Variants in SVIL observed in about 807,000 individuals in gnomAD.
SVIL encodes archvillin.
SVIL carries 101 observed loss-of-function variants against 240.4 expected under a neutral mutation model. The observed-to-expected ratio is 0.42, with a 90% CI of 0.36 to 0.50. SVIL has a LOEUF of 0.50. Ranked by LOEUF, SVIL falls within the 20% of genes least tolerant of loss-of-function variation. SVIL has a pLI of 0.01. For missense variants in SVIL, 2,512 were observed against 2,818.7 expected, an observed-to-expected ratio of 0.89 and a Z score of 2.46; for synonymous variants, 999 against 1,100.0, an observed-to-expected ratio of 0.91 and a Z score of 1.82.
intron 1 of SVIL, among the ~76,000 whole-genome samples, chr10:29,732,116 G>T (rs1406755804): frequency 6.6e-6 from 1 of 152,172 alleles, no homozygotes; most frequent in South Asian, 2.1e-4. Context: ...CCTCCAATTG[G>T]TTATGCACGC....
rs74130721 is a variant in SVIL at position 29,479,786 on chromosome 10, G to A, written c.5377+751C>T. ...ACCTGCACAGCAAGGGGGCTGTAAAGAGGCAAAAATACTCTCTTCTGAGTT... is the reference window on the plus strand; with the variant it reads ...ACCTGCACAGCAAGGGGGCTGTAAAAAGGCAAAAATACTCTCTTCTGAGTT... On this transcript the variant is annotated intron_variant, in intron 29 of 37. Coordinates refer to ENST00000355867, the MANE Select transcript of SVIL (RefSeq NM_021738.3). 3.3e-3 allele frequency among the ~76,000 whole-genome samples: 502 copies of A among 152,352 alleles called. 2 individuals carry two copies. Among genetic ancestry groups the A allele is most frequent in the African/African-American group, 0.011 (473 of 41,588 alleles).
intron 16 of SVIL, among the ~76,000 whole-genome samples, chr10:29,517,665 T>A (rs7917094): frequency 1.3e-5 from 2 of 151,782 alleles, no homozygotes; most frequent in African/African-American, 4.8e-5. Context: ...CTCCAGCCGG[T>A]CCCTCTAGGG....
intron 1 of SVIL, among the ~76,000 whole-genome samples, chr10:29,606,027 C>A (rs1957006797): frequency 6.6e-6 from 1 of 152,144 alleles, no homozygotes; most frequent in Non-Finnish European, 1.5e-5. Flanking sequence ...TCTCCTGCCT[C>A]AGCCTCCCGA....
At chr10:29,634,990 A>T (rs1202908707), upstream of SVIL, 1 of 152,152 alleles carries the variant, frequency 6.6e-6, no homozygotes, top group African/African-American at 2.4e-5. Flanking sequence ...TTCACATGGG[A>T]CGGGCCTTTT....
chr10:29,696,641 G>A (rs7090543), intron 1 of SVIL, among the ~76,000 whole-genome samples: 37,530 of 149,584 alleles, frequency 0.25, 5,680 homozygotes, highest in African/African-American at 0.39. Flanking sequence ...CGGCCCGGCC[G>A]CGACCCCGTT....
chr10:29,623,507 T>C (rs1231082016), intron 1 of SVIL, among the ~76,000 whole-genome samples: 1 of 152,216 alleles, frequency 6.6e-6, no homozygotes, highest in Non-Finnish European at 1.5e-5. Context: ...CAGCTGGGTG[T>C]TATCTGGAGC....
At chr10:29,500,585 T>C (rs1266629270) in intron 17 of SVIL, among the ~76,000 whole-genome samples, 4 of 152,164 alleles carry the variant, frequency 2.6e-5, no homozygotes, top group Admixed American at 6.5e-5. Context: ...CTCCACACCT[T>C]CTTCTAGGAG....
At chr10:29,579,752 G>A (rs1418371512) in intron 1 of SVIL, among the ~76,000 whole-genome samples, 2 of 152,074 alleles carry the variant, frequency 1.3e-5, no homozygotes, top group African/African-American at 2.4e-5. Context: ...TCTCCTTTGG[G>A]GGCCATCATC....
At chr10:29,680,780 G>A (rs762309008) in intron 2 of SVIL, among the ~76,000 whole-genome samples, 1 of 152,084 alleles carries the variant, frequency 6.6e-6, no homozygotes, top group Non-Finnish European at 1.5e-5. Flanking sequence ...TTAGCTGGGC[G>A]TAGTGGTGTG....
At position 29,694,768 on chromosome 10, in the gene SVIL, T is replaced by C. The variant is rs140432839; in HGVS notation, c.-399-8117A>G. ...GGCCCCAAAATACAATTTAACGTTCTCTTAATATAACCAAAGGGGAAAAGG... is the reference window on the plus strand; with the variant it reads ...GGCCCCAAAATACAATTTAACGTTCCCTTAATATAACCAAAGGGGAAAAGG... On this transcript the variant is annotated intron_variant, in intron 1 of 35. Coordinates refer to the SVIL transcript ENST00000375400. Among the ~76,000 whole-genome samples the C allele has an allele frequency of 4.3e-3, 650 of 152,290 alleles. 1 individual carries two copies. The highest frequency in any genetic ancestry group is 0.015 in the African/African-American group (609 of 41,564).
chr10:29,506,077 T>G (rs906617929), intron 17 of SVIL, among the ~76,000 whole-genome samples: 6 of 152,250 alleles, frequency 3.9e-5, no homozygotes, highest in African/African-American at 1.4e-4. Context: ...TTTAATTTTT[T>G]AACTGTTGTA....
At chr10:29,465,556 C>G (rs1944811466) in intron 34 of SVIL, 39 bp downstream of exon 34, 1 of 1,553,312 alleles carries the variant, frequency 6.4e-7, no homozygotes. Flanking sequence ...GAAGATGTGC[C>G]TTCTACTGCT....
intron 3 of SVIL, among the ~76,000 whole-genome samples, chr10:29,642,435 GAAAGA>G (rs1194228898): frequency 8.1e-6 from 1 of 123,474 alleles, no homozygotes; most frequent in Non-Finnish European, 1.6e-5. Flanking sequence ...AAGAAAGAAA[GAAAGA>G]AAGAAAGAAA....
At chr10:29,621,406 T>C (rs1393800138) in intron 1 of SVIL, among the ~76,000 whole-genome samples, 1 of 152,192 alleles carries the variant, frequency 6.6e-6, no homozygotes, top group Non-Finnish European at 1.5e-5. Flanking sequence ...CCAGAGCAGA[T>C]GGAGAACACA....
In SVIL at chr10:29,458,119, T is replaced by C; in HGVS notation, c.*128A>G. ...CCGGGACAAGCAGTATCTTTAACAA[T>C]GTCAGGTTCTGAAAACTCTGATTGA... On this transcript the variant is annotated 3_prime_UTR_variant, in exon 38 of 38. Coordinates refer to ENST00000355867, the MANE Select transcript of SVIL (RefSeq NM_021738.3). 1 of 875,074 alleles carries C rather than the reference T, an allele frequency of 1.1e-6. No homozygotes were observed. Among genetic ancestry groups the C allele is most frequent in the Non-Finnish European group, 1.8e-6 (1 of 563,694 alleles). 54.2% of individuals were successfully genotyped at this position (875,074 alleles called of 1,614,324 possible).
intron 2 of SVIL, among the ~76,000 whole-genome samples, chr10:29,684,614 G>A (rs2132596101): frequency 6.6e-6 from 1 of 152,272 alleles, no homozygotes; most frequent in South Asian, 2.1e-4. Context: ...AAGTCTCATA[G>A]TCTCATAGGT....
intron 1 of SVIL, among the ~76,000 whole-genome samples, chr10:29,702,841 T>C (rs1213135161): frequency 6.6e-6 from 1 of 152,210 alleles, no homozygotes; most frequent in Non-Finnish European, 1.5e-5. Context: ...CCTTCATTTA[T>C]TTTGAAGTTG....
intron 2 of SVIL, among the ~76,000 whole-genome samples, chr10:29,677,659 G>A (rs973929585): frequency 1.5e-4 from 23 of 151,962 alleles, no homozygotes; most frequent in Admixed American, 4.6e-4. Flanking sequence ...GGGTTCAAGC[G>A]ATCCTCCATC....
chr10:29,551,769 A>G (rs1317500699), intron 5 of SVIL, among the ~76,000 whole-genome samples: 1 of 139,704 alleles, frequency 7.2e-6, no homozygotes, highest in Non-Finnish European at 1.6e-5. Context: ...TCTTTTTTAC[A>G]GAAGTGTTTT....
Sources: gnomAD v4.1 joint callset for allele counts (sites outside exome capture counted in the v4.1 genomes callset) on GRCh38, gnomAD v4.1.1 for gene constraint, MANE v1.5 for transcripts, NCBI Gene and HGNC (gene_info 2026-07-23, HGNC 2026-07-21) for gene names.